The following MFHAS1 variants were observed in gnomAD, a reference collection of about 807,000 sequenced individuals.
MFHAS1 encodes the protein multifunctional ROCO family signaling regulator 1, also known as malignant fibrous histiocytoma-amplified sequence 1.
Under a neutral mutation model 70.4 loss-of-function variants are expected in MFHAS1, and 50 were observed. That is an observed-to-expected ratio of 0.71 (90% CI 0.57 to 0.90). The LOEUF is 0.90. Ranked by LOEUF, MFHAS1 falls within the 40% of genes least tolerant of loss-of-function variation. The pLI is 0.00. For missense variants in MFHAS1, 1,795 were observed against 1,347.6 expected (o/e 1.33, Z -5.20); for synonymous variants, 952 against 620.0 (o/e 1.54, Z -7.96).
intron 1 of MFHAS1, among the ~76,000 whole-genome samples, chr8:8,867,310 C>T (rs1278142853): frequency 6.6e-6 from 1 of 152,040 alleles, no homozygotes; most frequent in African/African-American, 2.4e-5. Context: ...TAAAAATATA[C>T]CCTCACATTT....
intron 1 of MFHAS1, among the ~76,000 whole-genome samples, chr8:8,877,249 G>GT (rs1031754900): frequency 1.5e-5 from 2 of 137,682 alleles, no homozygotes; most frequent in African/African-American, 5.2e-5. Context: ...TTAGTGAGCT[G>GT]TGACTGTGCC....
In MFHAS1 at chr8:8,892,957, A is replaced by C; in HGVS notation, c.102T>G (p.Leu34=). The C allele has an allele frequency of 1.9e-6, 3 of 1,543,158 alleles. No homozygotes were observed. The highest frequency in any genetic ancestry group is 2.6e-6 in the Non-Finnish European group (3 of 1,147,120). The change falls in exon 1 of 3, where the codon CTT becomes CTG. Residue 34 remains leucine, a synonymous_variant. Coordinates refer to ENST00000276282, the MANE Select transcript of MFHAS1 (RefSeq NM_004225.3). This position sits in a 1 kb window ranked among gnomAD's most constrained non-coding sequence, Gnocchi z 4.7. ...CCCCGGGGCAGGCCCCGGCGGCGGTAAGCGTGAGCTGGCGCAGGTTGCTCC... is the reference window on the plus strand; with the variant it reads ...CCCCGGGGCAGGCCCCGGCGGCGGTCAGCGTGAGCTGGCGCAGGTTGCTCC... ...KLRSNLRQLT[L]TAAGACPGAG... is the part of the protein sequence containing the mutation.
In MFHAS1 at chr8:8,891,673, G is replaced by A; in HGVS notation, c.1386C>T (p.Ser462=). ...PPVSKGIEVT[S]WTADASRGLR... is the part of the protein sequence containing the mutation. ...GGCCCCGGGAGGCATCGGCCGTCCA[G>A]CTGGTCACCTCGATGCCCTTGCTCA... Residue 462 remains serine, a synonymous_variant, in exon 1 of 3, where the codon AGC becomes AGT. Coordinates refer to ENST00000276282, the MANE Select transcript of MFHAS1 (RefSeq NM_004225.3). This position sits in a 1 kb window ranked among gnomAD's most constrained non-coding sequence, Gnocchi z 5.4. The A allele has an allele frequency of 6.2e-7, 1 of 1,613,606 alleles. No individual in the cohort carries two copies. The highest frequency in any genetic ancestry group is 8.5e-7 in the Non-Finnish European group (1 of 1,180,030).
chr8:8,847,636 T>G (rs1808084948), intron 1 of MFHAS1, among the ~76,000 whole-genome samples: 1 of 152,206 alleles, frequency 6.6e-6, no homozygotes, highest in South Asian at 2.1e-4. Flanking sequence ...AATTGTCATT[T>G]ACTAACTACC....
At chr8:8,860,175 A>C (rs971772358) in intron 1 of MFHAS1, 1 of 152,242 alleles carries the variant, frequency 6.6e-6, no homozygotes, top group African/African-American at 2.4e-5. Flanking sequence ...CGCAGGCCTG[A>C]GATTCCACAG....
rs1267839768 is a variant in MFHAS1 at position 8,849,144 on chromosome 8, G to GAT, written c.2998+40915_2998+40916dup. Among the ~76,000 whole-genome samples, 35 of 124,056 alleles carry GAT rather than the reference G, an allele frequency of 2.8e-4. No homozygotes were observed. The Admixed American group carries it at 3.0e-3, about 11-fold the overall frequency. The allele number at this position is 124,056 out of a possible 152,430, so 81.4% of individuals were successfully genotyped here. ...TGCCCAGGCTGAAGAGCAATGGCAC[G>GAT]ATCTCAGCTCACTGCAACCTCTGCC... On this transcript the variant is annotated intron_variant, in intron 1 of 2. Transcript: ENST00000276282.
At chr8:8,807,802 C>G (rs988423130) in intron 1 of MFHAS1, among the ~76,000 whole-genome samples, 7 of 152,126 alleles carry the variant, frequency 4.6e-5, no homozygotes, top group Non-Finnish European at 7.3e-5. Flanking sequence ...GAGCTAAGGC[C>G]TTCTACAACA....
Position 8,892,416 on chromosome 8 carries a change from G to T in MFHAS1, c.643C>A (p.Arg215=). 2 of 1,613,038 alleles carry T rather than the reference G, an allele frequency of 1.2e-6. No homozygotes were observed. Among genetic ancestry groups the T allele is most frequent in the Admixed American group, 1.7e-5 (1 of 59,980 alleles). ...ATATCCTCAGGCAGGCCCCGCAGCC[G>T]GTTGCTGGACACGTCCAGCTCCTCC... is the stretch of plus-strand genomic sequence containing the variant. The part of the protein sequence containing the change: ...ALEELDVSSN[R]LRGLPEDISA... Residue 215 remains arginine, a synonymous_variant, in exon 1 of 3, where the codon CGG becomes AGG. Coordinates refer to ENST00000276282, the MANE Select transcript of MFHAS1 (RefSeq NM_004225.3). This position sits in a 1 kb window ranked among gnomAD's most constrained non-coding sequence, Gnocchi z 4.7.
Position 8,840,880 on chromosome 8 carries a change from T to C in MFHAS1, c.2999-43389A>G, listed in dbSNP as rs1306603874. On this transcript the variant is annotated intron_variant, in intron 1 of 2. Transcript: ENST00000276282. ...TTTTAAAGTACTACAGGATTCCTGA[T>C]TCAAATATCTTATAAATCCTTTAGT... 2.6e-5 allele frequency among the ~76,000 whole-genome samples: 4 copies of C among 152,178 alleles called. No individual in the cohort carries two copies. The East Asian group carries it at 7.7e-4, about 29-fold the overall frequency.
intron 1 of MFHAS1, among the ~76,000 whole-genome samples, chr8:8,817,491 T>A (rs573366622): frequency 1.3e-5 from 2 of 152,336 alleles, no homozygotes; most frequent in African/African-American, 4.8e-5. Context: ...CAATTCCACC[T>A]AAGAGGCCAC....
chr8:8,868,188 G>A (rs1808934267), intron 1 of MFHAS1, among the ~76,000 whole-genome samples: 2 of 151,826 alleles, frequency 1.3e-5, no homozygotes, highest in African/African-American at 4.8e-5. Flanking sequence ...CAAGGCCTCT[G>A]GAAACTCCTG....
chr8:8,797,298 G>C (rs1277011470), intron 2 of MFHAS1, 67 bp downstream of exon 2: 6 of 1,566,422 alleles, frequency 3.8e-6, no homozygotes, highest in Admixed American at 3.6e-5. Context: ...CTGGATTTTT[G>C]TGGTCATATC....
At chr8:8,844,609 C>T (rs747161113) in intron 1 of MFHAS1, among the ~76,000 whole-genome samples, 3 of 152,214 alleles carry the variant, frequency 2.0e-5, no homozygotes, top group Non-Finnish European at 4.4e-5. Context: ...CGGGAAGCTC[C>T]GCAAGGTCAG....
chr8:8,786,837 C>G (rs1230387990), intron 2 of MFHAS1, among the ~76,000 whole-genome samples: 1 of 151,992 alleles, frequency 6.6e-6, no homozygotes, highest in African/African-American at 2.4e-5. Context: ...ACTGATAATT[C>G]AGCATCTGCC....
chr8:8,830,004 G>T (rs1026883695), intron 1 of MFHAS1, among the ~76,000 whole-genome samples: 22 of 152,148 alleles, frequency 1.4e-4, no homozygotes, highest in African/African-American at 5.3e-4. Flanking sequence ...CAGGTCTGGG[G>T]TGTGGCCTGG....
At chr8:8,815,292 G>A (rs1466184015) in intron 1 of MFHAS1, among the ~76,000 whole-genome samples, 1 of 152,102 alleles carries the variant, frequency 6.6e-6, no homozygotes, top group African/African-American at 2.4e-5. Context: ...TTGATTCCAC[G>A]TCTTTGTTAT....
At chr8:8,801,401 C>G (rs545618159) in intron 1 of MFHAS1, among the ~76,000 whole-genome samples, 18 of 152,306 alleles carry the variant, frequency 1.2e-4, no homozygotes, top group Admixed American at 6.5e-5. Context: ...AGAAGTTTCA[C>G]ACATGTGAAA....
chr8:8,787,369 T>C (rs559189611), intron 2 of MFHAS1, among the ~76,000 whole-genome samples: 56 of 152,268 alleles, frequency 3.7e-4, no homozygotes, highest in East Asian at 2.9e-3. Context: ...TGTGAGCCAC[T>C]GCGCCCGGCC....
chr8:8,892,330 G>T lies in MFHAS1; in HGVS notation c.729C>A (p.Pro243=). 6.2e-7 allele frequency: 1 copy of T among 1,612,118 alleles called. No homozygotes were observed. The highest frequency in any genetic ancestry group is 8.5e-7 in the Non-Finnish European group (1 of 1,180,000). The change falls in exon 1 of 3, where the codon CCC becomes CCA. Residue 243 remains proline, a synonymous_variant. Transcript: ENST00000276282. The surrounding 1 kb of genome is among the most constrained non-coding windows in gnomAD (Gnocchi z 4.7). The part of the protein sequence containing the change: ...WLSGAELGTL[P]AGFCELASLE... The stretch of plus-strand genomic sequence containing the variant: ...AACTGGCCAGCTCGCAGAAGCCGGC[G>T]GGCAGCGTGCCAAGCTCGGCCCCAC...
Sources: allele counts gnomAD v4.1 joint callset (sites outside exome capture counted in the v4.1 genomes callset), GRCh38; gene constraint gnomAD v4.1.1; non-coding constraint Gnocchi (gnomAD v3.1); transcripts MANE v1.5; gene names NCBI Gene and HGNC (gene_info 2026-07-23, HGNC 2026-07-21).